The following LRRC7 variants were observed in gnomAD, a reference collection of about 807,000 sequenced individuals.
LRRC7 encodes leucine-rich repeat-containing protein 7.
A neutral mutation model predicts 175.7 loss-of-function variants in LRRC7; 23 were observed. The ratio of observed to expected loss-of-function variants is 0.13; its 90% CI spans 0.09 to 0.19. LRRC7 has a LOEUF of 0.19. Ranked by LOEUF, LRRC7 falls within the 10% of genes least tolerant of loss-of-function variation. The pLI, the probability that LRRC7 is intolerant of heterozygous loss-of-function variation, is 1.00. For missense variants in LRRC7, 1,354 were observed against 1,904.7 expected (o/e 0.71, Z 5.38); for synonymous variants, 685 against 680.9 (o/e 1.01, Z -0.09).
intron 8 of LRRC7, among the ~76,000 whole-genome samples, chr1:69,937,204 T>C (rs1648132265): frequency 6.6e-6 from 1 of 152,156 alleles, no homozygotes; most frequent in Non-Finnish European, 1.5e-5. Context: ...GTGTGACTAG[T>C]ACTATGTTGA....
chr1:69,854,050 G>GT (rs1459302644), intron 7 of LRRC7, among the ~76,000 whole-genome samples: 3 of 152,234 alleles, frequency 2.0e-5, no homozygotes, highest in Non-Finnish European at 4.4e-5. Flanking sequence ...ACTGTGGCCT[G>GT]TTTTTTAGTT....
intron 2 of LRRC7, among the ~76,000 whole-genome samples, chr1:69,741,392 C>T (rs1387976918): frequency 6.6e-6 from 1 of 151,490 alleles, no homozygotes; most frequent in Non-Finnish European, 1.5e-5. Context: ...CCTCCATAAT[C>T]CAGTAGGTGA....
intron 4 of LRRC7, among the ~76,000 whole-genome samples, chr1:69,793,866 G>A (rs143100277): frequency 2.0e-5 from 3 of 152,232 alleles, no homozygotes; most frequent in African/African-American, 4.8e-5. Flanking sequence ...TGGAAAACTT[G>A]TTGAAATTTA....
intron 2 of LRRC7, among the ~76,000 whole-genome samples, chr1:69,721,952 T>G (rs188058051): frequency 3.7e-4 from 56 of 152,062 alleles, no homozygotes; most frequent in African/African-American, 1.3e-3. Context: ...AAAAAAATCA[T>G]CTTTAATATC....
At chr1:69,961,494 A>G (rs1347514624) in intron 8 of LRRC7, among the ~76,000 whole-genome samples, 2 of 152,224 alleles carry the variant, frequency 1.3e-5, no homozygotes, top group Admixed American at 6.5e-5. Context: ...TTAAATTCAT[A>G]TGGAACAAAA....
chr1:69,607,670 G>T (rs142415671), intron 1 of LRRC7: 2 of 152,024 alleles, frequency 1.3e-5, no homozygotes, highest in African/African-American at 4.8e-5. Flanking sequence ...ACATTTTCTA[G>T]TGTGTGTGTG....
intron 7 of LRRC7, among the ~76,000 whole-genome samples, chr1:69,877,316 A>G (rs1686129125): frequency 6.6e-6 from 1 of 152,156 alleles, no homozygotes; most frequent in African/African-American, 2.4e-5. Flanking sequence ...GGCCAAGTGT[A>G]GTGGTGTACA....
chr1:69,811,907 C>T (rs1262144635), intron 4 of LRRC7, among the ~76,000 whole-genome samples: 2 of 152,074 alleles, frequency 1.3e-5, no homozygotes, highest in African/African-American at 4.8e-5. Flanking sequence ...TATCCCAGAA[C>T]TTAAACTATA....
intron 4 of LRRC7, among the ~76,000 whole-genome samples, chr1:69,821,719 C>A (rs12566838): frequency 0.38 from 57,285 of 151,590 alleles, 12,667 homozygotes; most frequent in East Asian, 0.55. Flanking sequence ...CCTGATGAAA[C>A]CCCATCTCTA....
In LRRC7 at chr1:69,905,078, T is replaced by C. The variant is rs116472174; in HGVS notation, c.648-26429T>C. Among the ~76,000 whole-genome samples the C allele has an allele frequency of 2.5e-3, 374 of 152,226 alleles. 3 individuals carry two copies. Among genetic ancestry groups the C allele is most frequent in the African/African-American group, 8.7e-3 (361 of 41,536 alleles). On this transcript the variant is annotated intron_variant, in intron 7 of 26. Coordinates refer to ENST00000651989, the MANE Select transcript of LRRC7 (RefSeq NM_001370785.2). Reference sequence around the variant, plus strand: ...ATGGTAGACTTTATTCTATCTACCATTGATGGGCATTTAGGTTGATTCCAT... The same window carrying C: ...ATGGTAGACTTTATTCTATCTACCACTGATGGGCATTTAGGTTGATTCCAT...
In LRRC7 at chr1:69,741,758, A is replaced by AT. The variant is rs554179876; in HGVS notation, c.101-18424dup. ...TCTAATTTAGTCATTTATTCACTGG[A>AT]TTTTTTTTTGCTGTGTTCACTCCTT... is the stretch of plus-strand genomic sequence containing the variant. On this transcript the variant is annotated intron_variant, in intron 2 of 26. Transcript: ENST00000651989. Among the ~76,000 whole-genome samples, 1,256 of 151,310 alleles carry AT rather than the reference A, an allele frequency of 8.3e-3. 7 individuals are homozygous for AT. The highest frequency in any genetic ancestry group is 0.028 in the African/African-American group (1,168 of 41,274).
Position 70,122,016 on chromosome 1 carries a change from A to G in LRRC7, c.*129A>G, listed in dbSNP as rs1241758123. On this transcript the variant is annotated 3_prime_UTR_variant, in exon 27 of 27. Coordinates refer to ENST00000651989, the MANE Select transcript of LRRC7 (RefSeq NM_001370785.2). ...ATTAGTGCCAAATGTATAATACTAT[A>G]TGTTAGCACTGACCATCCTTAAAAA... is the stretch of plus-strand genomic sequence containing the variant. 1 of 601,398 alleles carries G rather than the reference A, an allele frequency of 1.7e-6. No homozygotes were observed. The highest frequency in any genetic ancestry group is 3.0e-6 in the Non-Finnish European group (1 of 335,970). The allele number at this position is 601,398 out of a possible 1,614,324, so 37.3% of individuals were successfully genotyped here. A position where few individuals can be genotyped will look rare whatever the true frequency, so the allele number is the denominator to read the frequency against.
intron 3 of LRRC7, among the ~76,000 whole-genome samples, chr1:69,775,401 G>A (rs992790871): frequency 6.6e-5 from 10 of 152,060 alleles, no homozygotes; most frequent in South Asian, 4.2e-4. Context: ...TGTCAACTCC[G>A]AAAGGCTGAT....
At chr1:70,047,307 G>A (rs1327145030) in intron 22 of LRRC7, among the ~76,000 whole-genome samples, 1 of 152,094 alleles carries the variant, frequency 6.6e-6, no homozygotes, top group East Asian at 1.9e-4. Flanking sequence ...AAGAATGAAG[G>A]AAGTTTCCTA....
intron 4 of LRRC7, among the ~76,000 whole-genome samples, chr1:69,799,924 G>A (rs1463096165): frequency 6.6e-6 from 1 of 151,968 alleles, no homozygotes; most frequent in Non-Finnish European, 1.5e-5. Context: ...TTCCATATAT[G>A]GTGAGAGATA....
intron 3 of LRRC7, among the ~76,000 whole-genome samples, chr1:69,771,387 T>A: frequency 6.6e-6 from 1 of 152,152 alleles, no homozygotes; most frequent in East Asian, 1.9e-4. Context: ...CAGCAACTCT[T>A]AATTATGTGA....
chr1:69,789,870 T>C (rs1010290562), intron 3 of LRRC7, among the ~76,000 whole-genome samples: 1 of 152,010 alleles, frequency 6.6e-6, no homozygotes, highest in Non-Finnish European at 1.5e-5. Flanking sequence ...ATCTGGTACA[T>C]AAATATTAAT....
intron 1 of LRRC7, among the ~76,000 whole-genome samples, chr1:69,650,346 G>A (rs947908702): frequency 6.6e-6 from 1 of 151,486 alleles, no homozygotes; most frequent in African/African-American, 2.4e-5. Context: ...CGAGACCATC[G>A]TGGCTAACAT....
intron 7 of LRRC7, among the ~76,000 whole-genome samples, chr1:69,895,359 T>C (rs1022958162): frequency 3.9e-4 from 60 of 152,172 alleles, no homozygotes; most frequent in African/African-American, 1.4e-3. Flanking sequence ...TTGGAGGTGA[T>C]GTAAACCTCC....
Sources: gnomAD v4.1 joint callset for allele counts (sites outside exome capture counted in the v4.1 genomes callset) on GRCh38, gnomAD v4.1.1 for gene constraint, MANE v1.5 for transcripts, NCBI Gene and HGNC (gene_info 2026-07-23, HGNC 2026-07-21) for gene names.